The following MYO3B variants were observed in gnomAD, a reference collection of about 807,000 sequenced individuals.
MYO3B encodes myosin-IIIb.
In MYO3B, 156 loss-of-function variants were observed where a neutral mutation model predicts 174.6. That is an observed-to-expected ratio of 0.89 (90% CI 0.78 to 1.02). The LOEUF (loss-of-function observed/expected upper bound fraction) is 1.02. Among genes scored for constraint, MYO3B ranks in the 50% least tolerant of loss-of-function variants. MYO3B has a pLI of 0.00. For missense variants in MYO3B, 1,632 were observed against 1,639.4 expected (o/e 1.00, Z 0.08); for synonymous variants, 563 against 569.1 (o/e 0.99, Z 0.15).
intron 25 of MYO3B, among the ~76,000 whole-genome samples, chr2:170,479,704 C>T (rs1456134463): frequency 6.8e-6 from 1 of 146,466 alleles, no homozygotes; most frequent in Non-Finnish European, 1.5e-5. Context: ...TATATATACA[C>T]ATATATAACA....
intron 1 of MYO3B, among the ~76,000 whole-genome samples, chr2:170,191,177 C>G (rs1283800627): frequency 6.6e-6 from 1 of 151,666 alleles, no homozygotes. Flanking sequence ...GTACCCTGTC[C>G]TACCGTGGCT....
At chr2:170,541,365 G>GAATATATTAT in intron 30 of MYO3B, among the ~76,000 whole-genome samples, 1 of 152,170 alleles carries the variant, frequency 6.6e-6, no homozygotes, top group Middle Eastern at 3.4e-3. Context: ...GATACTGAAG[G>GAATATATTAT]GTATAGAATA....
At chr2:170,476,129 T>C (rs1259546117) in intron 25 of MYO3B, among the ~76,000 whole-genome samples, 1 of 152,144 alleles carries the variant, frequency 6.6e-6, no homozygotes, top group African/African-American at 2.4e-5. Flanking sequence ...TCACCACCAC[T>C]GCTGAAACCA....
chr2:170,196,994 C>T (rs576499384), intron 1 of MYO3B, among the ~76,000 whole-genome samples: 5 of 151,584 alleles, frequency 3.3e-5, no homozygotes, highest in East Asian at 1.9e-4. Flanking sequence ...AACCTAGGAT[C>T]GGTCTTTTGA....
chr2:170,508,711 A>G (rs187943751), intron 28 of MYO3B, among the ~76,000 whole-genome samples: 491 of 152,346 alleles, frequency 3.2e-3, no homozygotes, highest in Non-Finnish European at 5.1e-3. Context: ...GTACCAGTCA[A>G]AGCTTTGGAA....
intron 7 of MYO3B, among the ~76,000 whole-genome samples, chr2:170,272,160 A>G (rs1048593195): frequency 6.6e-6 from 1 of 151,564 alleles, no homozygotes; most frequent in Non-Finnish European, 1.5e-5. Context: ...AACCGATAGC[A>G]TCGGCATCAC....
At chr2:170,509,536 T>A (rs190271900) in intron 28 of MYO3B, among the ~76,000 whole-genome samples, 17 of 152,284 alleles carry the variant, frequency 1.1e-4, no homozygotes, top group Admixed American at 9.2e-4. Context: ...AATACAACAA[T>A]AACATGTAAG....
chr2:170,477,240 T>C (rs749984796), intron 25 of MYO3B, among the ~76,000 whole-genome samples: 5 of 152,174 alleles, frequency 3.3e-5, no homozygotes, highest in Admixed American at 2.6e-4. Flanking sequence ...CCTCTTCCTC[T>C]GGTGGTTTTC....
chr2:170,270,062 T>C (rs1373254992), intron 7 of MYO3B, among the ~76,000 whole-genome samples: 3 of 152,234 alleles, frequency 2.0e-5, no homozygotes, highest in African/African-American at 4.8e-5. Context: ...GTCCTAGTTA[T>C]AATAAATCTT....
At chr2:170,633,074 C>T (rs1164858437) in intron 32 of MYO3B, among the ~76,000 whole-genome samples, 1 of 152,180 alleles carries the variant, frequency 6.6e-6, no homozygotes, top group Non-Finnish European at 1.5e-5. Flanking sequence ...CCTTTTGAAA[C>T]TATTCCAATC....
rs575780805 is a variant in MYO3B, at chr2:170,387,714, G to A, written c.1577+406G>A. ...AGAGAAAACAATTATTCTGTTTTTA[G>A]GGAAAGCATTTGGTAATAGAAATCA... On this transcript the variant is annotated intron_variant, in intron 14 of 34. Transcript: ENST00000408978. 6.6e-5 allele frequency among the ~76,000 whole-genome samples: 10 copies of A among 152,204 alleles called. 1 individual carries two copies. In the South Asian group the frequency reaches 1.9e-3, roughly 28 times the overall value.
At chr2:170,624,171 T>C (rs566135990) in intron 32 of MYO3B, among the ~76,000 whole-genome samples, 20 of 152,276 alleles carry the variant, frequency 1.3e-4, no homozygotes, top group Admixed American at 7.8e-4. Flanking sequence ...GGCAGTATGG[T>C]CATTTTCACA....
At chr2:170,470,102 CAAAAAAAAAA>C (rs34472083) in intron 25 of MYO3B, among the ~76,000 whole-genome samples, 18 of 46,350 alleles carry the variant, frequency 3.9e-4, no homozygotes, top group South Asian at 1.9e-3. Flanking sequence ...AACTCCGTCT[CAAAAAAAAAA>C]AAAAAAAAAA....
intron 25 of MYO3B, among the ~76,000 whole-genome samples, chr2:170,476,079 C>CCG (rs1553503761): frequency 6.6e-6 from 1 of 152,064 alleles, no homozygotes; most frequent in Admixed American, 6.6e-5. Context: ...CCTGTCCCCC[C>CCG]CCACAGGACA....
intron 1 of MYO3B, among the ~76,000 whole-genome samples, chr2:170,198,722 A>C (rs1015423748): frequency 6.6e-6 from 1 of 152,178 alleles, no homozygotes; most frequent in African/African-American, 2.4e-5. Flanking sequence ...GAGCGAGGAT[A>C]AAAAAGAAGA....
chr2:170,569,515 T>C (rs1331018031), intron 32 of MYO3B, among the ~76,000 whole-genome samples: 1 of 140,058 alleles, frequency 7.1e-6, no homozygotes, highest in African/African-American at 2.7e-5. Context: ...AAAACTGGGC[T>C]GAGTTTTTTT....
At chr2:170,227,990 T>G (rs1195472534) in intron 6 of MYO3B, among the ~76,000 whole-genome samples, 3 of 152,120 alleles carry the variant, frequency 2.0e-5, no homozygotes, top group Non-Finnish European at 4.4e-5. Flanking sequence ...GTCCTTAACA[T>G]ACTCTGGTGG....
chr2:170,383,292 G>A (rs771202248), intron 11 of MYO3B, 103 bp downstream of exon 11: 11 of 735,896 alleles, frequency 1.5e-5, no homozygotes, highest in Non-Finnish European at 2.6e-5. Flanking sequence ...TGCTACCCTA[G>A]ATGTATATAC....
Position 170,387,087 on chromosome 2 carries a change from C to A in MYO3B, c.1375-19C>A, listed in dbSNP as rs758476546. The A allele has an allele frequency of 4.3e-6, 7 of 1,612,828 alleles. No individual in the cohort carries two copies. In the South Asian group the frequency reaches 7.7e-5, roughly 18 times the overall value. The stretch of plus-strand genomic sequence containing the variant: ...AATGTTTCTGGAGTCTCTTCTTGAC[C>A]GTTCTCTGTTTGGCACAGGCCAATA... On this transcript the variant is annotated intron_variant, in intron 13 of 34. Transcript: ENST00000408978.
Sources: allele counts gnomAD v4.1 joint callset (sites outside exome capture counted in the v4.1 genomes callset), GRCh38; gene constraint gnomAD v4.1.1; transcripts MANE v1.5; gene names NCBI Gene and HGNC (gene_info 2026-07-23, HGNC 2026-07-21).